The following MET variants were observed in gnomAD, a reference collection of about 807,000 sequenced individuals.
MET encodes MET proto-oncogene, receptor tyrosine kinase.
Under a neutral mutation model 133.1 loss-of-function variants are expected in MET, and 48 were observed. The observed-to-expected ratio is 0.36, with a 90% CI of 0.29 to 0.46. The LOEUF is 0.46. Ranked by LOEUF, MET falls within the 20% of genes least tolerant of loss-of-function variation. MET has a pLI of 1.00. For synonymous variants in MET, 628 were observed against 616.5 expected, an observed-to-expected ratio of 1.02 and a Z score of -0.28; for missense variants, 1,442 against 1,695.9, an observed-to-expected ratio of 0.85 and a Z score of 2.63.
chr7:116,743,016 C>T (rs539168733), intron 5 of MET, among the ~76,000 whole-genome samples: 41 of 152,314 alleles, frequency 2.7e-4, no homozygotes, highest in Non-Finnish European at 5.7e-4. Context: ...GTGATTTCTG[C>T]ATGTCCAACA....
intron 5 of MET, among the ~76,000 whole-genome samples, chr7:116,755,135 C>A (rs181449499): frequency 2.6e-5 from 4 of 152,202 alleles, no homozygotes; most frequent in Non-Finnish European, 4.4e-5. Flanking sequence ...CTGAAAACAA[C>A]TTGTTTCATT....
At chr7:116,765,784 CAT>C (rs1794605025) in intron 11 of MET, among the ~76,000 whole-genome samples, 1 of 152,148 alleles carries the variant, frequency 6.6e-6, no homozygotes, top group African/African-American at 2.4e-5. Flanking sequence ...ATTTGAGTCT[CAT>C]GTGGACCCAT....
intron 5 of MET, 101 bp downstream of exon 5, chr7:116,741,126 C>G (rs773249836): frequency 7.5e-7 from 1 of 1,331,286 alleles, no homozygotes; most frequent in Non-Finnish European, 1.0e-6. Flanking sequence ...ATACAAATCC[C>G]ACTAATGAAA....
At chr7:116,728,803 C>G (rs1336744786) in intron 2 of MET, among the ~76,000 whole-genome samples, 1 of 152,180 alleles carries the variant, frequency 6.6e-6, no homozygotes, top group Non-Finnish European at 1.5e-5. Context: ...GTCAAAGACT[C>G]TCATTCACAC....
intron 1 of MET, among the ~76,000 whole-genome samples, chr7:116,696,720 C>A: frequency 6.6e-6 from 1 of 152,226 alleles, no homozygotes; most frequent in Non-Finnish European, 1.5e-5. Flanking sequence ...CTGGTTTTAA[C>A]CATCACCTCT....
rs527712364 is a variant in MET at position 116,680,854 on chromosome 7, A to G, written c.-15+8277A>G. ...CTACTCAGGAGGCTGAGGTGGGAGG[A>G]TCACCTGAGCCTGGGAGGCCAAGGC... On this transcript the variant is annotated intron_variant, in intron 1 of 20. Transcript: ENST00000397752. 6.8e-4 allele frequency among the ~76,000 whole-genome samples: 103 copies of G among 152,154 alleles called. 1 individual carries two copies. In the South Asian group the frequency reaches 8.3e-3, roughly 12 times the overall value.
At chr7:116,709,943 G>A (rs1791932317) in intron 2 of MET, among the ~76,000 whole-genome samples, 1 of 152,124 alleles carries the variant, frequency 6.6e-6, no homozygotes, top group African/African-American at 2.4e-5. Flanking sequence ...TAAAGAAGAG[G>A]AATTTCTAAT....
chr7:116,766,764 G>A (rs1249038754), intron 11 of MET, among the ~76,000 whole-genome samples: 1 of 152,108 alleles, frequency 6.6e-6, no homozygotes, highest in Non-Finnish European at 1.5e-5. Flanking sequence ...TTCCAGGGCA[G>A]TTTCATAGTA....
chr7:116,770,808 A>G (rs1794807573), intron 12 of MET, among the ~76,000 whole-genome samples: 1 of 152,182 alleles, frequency 6.6e-6, no homozygotes, highest in East Asian at 1.9e-4. Flanking sequence ...TCCATTGTAT[A>G]TATCCCACAT....
chr7:116,751,488 ATG>A (rs1562917328), intron 5 of MET, among the ~76,000 whole-genome samples: 1 of 152,038 alleles, frequency 6.6e-6, no homozygotes, highest in East Asian at 1.9e-4. Flanking sequence ...AGATAATCTT[ATG>A]TGTCTTAAAC....
chr7:116,723,798 G>T (rs1434020791), intron 2 of MET, among the ~76,000 whole-genome samples: 1 of 152,216 alleles, frequency 6.6e-6, no homozygotes, highest in Non-Finnish European at 1.5e-5. Flanking sequence ...GCTGCTCGGG[G>T]GTCAGGGGTC....
intron 1 of MET, among the ~76,000 whole-genome samples, chr7:116,680,909 T>G (rs1427223521): frequency 6.6e-6 from 1 of 152,018 alleles, no homozygotes; most frequent in Non-Finnish European, 1.5e-5. Context: ...ACCACTGCAC[T>G]CCAGCATGGG....
At chr7:116,742,951 C>A (rs1793519881) in intron 5 of MET, among the ~76,000 whole-genome samples, 1 of 152,164 alleles carries the variant, frequency 6.6e-6, no homozygotes, top group South Asian at 2.1e-4. Flanking sequence ...GTTAAGATGG[C>A]CGAGTAGGAA....
chr7:116,754,939 G>GAAAGAAAGAAAGAAAGAAAA lies in MET; in HGVS notation c.1702-403_1702-402insAAGAAAAAAAGAAAGAAAGA, dbSNP rs1554394721. ...AGAAAGAAAGAAAGAAAGAAAGAAA[G>GAAAGAAAGAAAGAAAGAAAA]AAAGAAAGAAAGAGAAAGAAAGAGA... On this transcript the variant is annotated intron_variant, in intron 5 of 20. Transcript: ENST00000397752. Among the ~76,000 whole-genome samples, 180 of 122,752 alleles carry GAAAGAAAGAAAGAAAGAAAA rather than the reference G, an allele frequency of 1.5e-3. 1 individual carries two copies. Among genetic ancestry groups the GAAAGAAAGAAAGAAAGAAAA allele is most frequent in the Middle Eastern group, 4.4e-3 (1 of 228 alleles). The allele number at this position is 122,752 out of a possible 152,430, so 80.5% of individuals were successfully genotyped here. A position where few individuals can be genotyped will look rare whatever the true frequency, so the allele number is the denominator to read the frequency against.
At chr7:116,706,467 A>G (rs1791798381) in intron 2 of MET, among the ~76,000 whole-genome samples, 1 of 152,140 alleles carries the variant, frequency 6.6e-6, no homozygotes, top group African/African-American at 2.4e-5. Flanking sequence ...CATAAACATG[A>G]TTAGCGATTT....
At chr7:116,795,519 T>A (rs1332864923) in intron 19 of MET, 136 bp from the exon 20 acceptor site, 3 of 1,125,742 alleles carry the variant, frequency 2.7e-6, no homozygotes, top group East Asian at 4.7e-5. Flanking sequence ...TAATTGCCTT[T>A]AAGAAAATTG....
At chr7:116,745,389 A>G (rs1316497333) in intron 5 of MET, among the ~76,000 whole-genome samples, 1 of 152,224 alleles carries the variant, frequency 6.6e-6, no homozygotes, top group Non-Finnish European at 1.5e-5. Context: ...CATCCCCATC[A>G]AGCTACCAAT....
intron 2 of MET, among the ~76,000 whole-genome samples, chr7:116,706,722 A>G (rs755409392): frequency 6.6e-6 from 1 of 151,994 alleles, no homozygotes; most frequent in Non-Finnish European, 1.5e-5. Flanking sequence ...ATGGGTTGGC[A>G]CAGACACTGA....
Position 116,796,168 on chromosome 7 carries a change from G to T in MET, c.*44G>T, listed in dbSNP as rs1795670453. ...GCAACAGTCCACACTTTGTCCAATG[G>T]TTTTTTCACTGCCTGACCTTTAAAA... On this transcript the variant is annotated 3_prime_UTR_variant, in exon 21 of 21. Transcript: ENST00000397752. The T allele has an allele frequency of 1.3e-6, 2 of 1,569,524 alleles. No individual in the cohort carries two copies. The highest frequency in any genetic ancestry group is 2.2e-5 in the East Asian group (1 of 44,626).
Sources: allele counts gnomAD v4.1 joint callset (sites outside exome capture counted in the v4.1 genomes callset), GRCh38; gene constraint gnomAD v4.1.1; transcripts MANE v1.5; gene names NCBI Gene and HGNC (gene_info 2026-07-23, HGNC 2026-07-21).